The following SETD3 variants were observed in gnomAD, a reference collection of about 807,000 sequenced individuals.
SETD3 encodes actin-histidine N-methyltransferase.
A neutral mutation model predicts 63.0 loss-of-function variants in SETD3; 19 were observed. That is an observed-to-expected ratio of 0.30 (90% CI 0.21 to 0.44). SETD3 has a LOEUF of 0.44. Ranked by LOEUF, SETD3 falls within the 20% of genes least tolerant of loss-of-function variation. The pLI is 1.00. For missense variants in SETD3, 587 were observed against 728.5 expected (o/e 0.81, Z 2.24); for synonymous variants, 286 against 264.1 (o/e 1.08, Z -0.80).
chr14:99,409,929 C>T, intron 8 of SETD3: 1 of 351,494 alleles, frequency 2.8e-6, no homozygotes, highest in Non-Finnish European at 5.2e-6. Context: ...GCAAAACAGA[C>T]CCTCCCCCAA....
chr14:99,462,764 G>A (rs943072092), intron 3 of SETD3, among the ~76,000 whole-genome samples: 1 of 152,160 alleles, frequency 6.6e-6, no homozygotes, highest in Non-Finnish European at 1.5e-5. Context: ...GTGTATGGAA[G>A]AGCAATAAAA....
At chr14:99,477,591 T>C (rs950468786) in intron 1 of SETD3, among the ~76,000 whole-genome samples, 4 of 151,994 alleles carry the variant, frequency 2.6e-5, no homozygotes, top group Non-Finnish European at 4.4e-5. Context: ...CCTTTCTCTA[T>C]TAAAAATACA....
intron 6 of SETD3, among the ~76,000 whole-genome samples, chr14:99,420,975 G>A: frequency 3.9e-5 from 3 of 76,218 alleles, no homozygotes; most frequent in Non-Finnish European, 5.5e-5. Context: ...GGGGGGGGGG[G>A]GTGGGAGGTG....
intron 6 of SETD3, among the ~76,000 whole-genome samples, chr14:99,431,102 A>C (rs1370350387): frequency 6.6e-6 from 1 of 152,254 alleles, no homozygotes; most frequent in Non-Finnish European, 1.5e-5. Flanking sequence ...CAGAAAGTAC[A>C]GGAGATTCCA....
chr14:99,474,399 A>C (rs549229876), intron 1 of SETD3, among the ~76,000 whole-genome samples: 56 of 152,342 alleles, frequency 3.7e-4, no homozygotes, highest in Admixed American at 3.6e-3. Context: ...AGTCAAGGCA[A>C]GCAGGCAGGG....
intron 8 of SETD3, among the ~76,000 whole-genome samples, chr14:99,409,502 C>T (rs374884314): frequency 1.3e-5 from 2 of 152,162 alleles, no homozygotes; most frequent in East Asian, 1.9e-4. Flanking sequence ...GCCTGCAGCG[C>T]ACACCACTCA....
chr14:99,446,117 C>T lies in SETD3; in HGVS notation c.675+12162G>A, dbSNP rs115420066. Reference sequence around the variant, plus strand: ...GACTGGGCTTACTCAGTGGCTCTGGCGAGCTTTCCTGTTCCTACACCTGCT... The same window carrying T: ...GACTGGGCTTACTCAGTGGCTCTGGTGAGCTTTCCTGTTCCTACACCTGCT... On this transcript the variant is annotated intron_variant, in intron 6 of 12. Coordinates refer to ENST00000331768, the MANE Select transcript of SETD3 (RefSeq NM_032233.3). 7.2e-3 allele frequency among the ~76,000 whole-genome samples: 1,092 copies of T among 152,238 alleles called. 8 individuals are homozygous for T. The highest frequency in any genetic ancestry group is 0.024 in the African/African-American group (1,007 of 41,540).
At chr14:99,468,242 CCAGCAGCCACT>C (rs1220268695) in intron 1 of SETD3, among the ~76,000 whole-genome samples, 1 of 151,968 alleles carries the variant, frequency 6.6e-6, no homozygotes, top group Non-Finnish European at 1.5e-5. Flanking sequence ...CACAACCCTG[CCAGCAGCCACT>C]CAGCCCACAC....
chr14:99,409,988 T>A, intron 8 of SETD3: 1 of 411,980 alleles, frequency 2.4e-6, no homozygotes. Flanking sequence ...GGCGGGGGGG[T>A]GAACCAACAA....
chr14:99,481,412 A>G, upstream of SETD3: 1 of 398,652 alleles, frequency 2.5e-6, no homozygotes, highest in Non-Finnish European at 4.4e-6. Context: ...GGTCCCCGAC[A>G]TTCCATATAC....
At chr14:99,421,340 C>T (rs1442496622) in intron 6 of SETD3, among the ~76,000 whole-genome samples, 1 of 151,530 alleles carries the variant, frequency 6.6e-6, no homozygotes, top group East Asian at 1.9e-4. Context: ...GTTTTAATTT[C>T]AGCAATTTTG....
intron 3 of SETD3, 123 bp downstream of exon 3, chr14:99,463,363 C>T (rs920357903): frequency 1.4e-6 from 1 of 690,502 alleles, no homozygotes; most frequent in East Asian, 2.8e-5. Context: ...CTGCAAGCCC[C>T]AGTACAAGAC....
At chr14:99,408,682 C>A (rs184291783) in intron 8 of SETD3, among the ~76,000 whole-genome samples, 68 of 152,344 alleles carry the variant, frequency 4.5e-4, no homozygotes, top group Non-Finnish European at 1.3e-4. Flanking sequence ...CCCGGACAGG[C>A]AAACAGGCTG....
intron 6 of SETD3, among the ~76,000 whole-genome samples, chr14:99,448,498 C>T (rs1481289613): frequency 6.6e-6 from 1 of 152,176 alleles, no homozygotes; most frequent in African/African-American, 2.4e-5. Flanking sequence ...GTCCTCCAGC[C>T]AACCTAGATG....
At chr14:99,425,283 C>T (rs1481313181) in intron 6 of SETD3, among the ~76,000 whole-genome samples, 5 of 152,192 alleles carry the variant, frequency 3.3e-5, no homozygotes, top group Non-Finnish European at 7.3e-5. Context: ...GGAGGAACTC[C>T]GCCATCCACG....
At chr14:99,465,128 C>T (rs1895293499) in intron 2 of SETD3, among the ~76,000 whole-genome samples, 1 of 152,060 alleles carries the variant, frequency 6.6e-6, no homozygotes, top group African/African-American at 2.4e-5. Flanking sequence ...AGAGCGGGAC[C>T]CTGTTTAAAA....
At chr14:99,426,659 T>C (rs1384187938) in intron 6 of SETD3, among the ~76,000 whole-genome samples, 2 of 152,120 alleles carry the variant, frequency 1.3e-5, no homozygotes. Context: ...TAATCGTAGG[T>C]TGGAAGAAAA....
At chr14:99,486,376 TCC>T in the SETD3 span, among the ~76,000 whole-genome samples, 1 of 152,220 alleles carries the variant, frequency 6.6e-6, no homozygotes, top group African/African-American at 2.4e-5. Flanking sequence ...TGGTGATTCT[TCC>T]TACTTGGTAC....
chr14:99,408,488 G>C (rs898226661), intron 8 of SETD3, among the ~76,000 whole-genome samples: 5 of 152,142 alleles, frequency 3.3e-5, no homozygotes, highest in African/African-American at 1.2e-4. Flanking sequence ...CACTCCCAGG[G>C]TGCTGGCAGT....
Sources: allele counts gnomAD v4.1 joint callset (sites outside exome capture counted in the v4.1 genomes callset), GRCh38; gene constraint gnomAD v4.1.1; transcripts MANE v1.5; gene names NCBI Gene and HGNC (gene_info 2026-07-23, HGNC 2026-07-21).